Variants in DHX9 observed in about 807,000 individuals in gnomAD.
The protein encoded by DHX9 is ATP-dependent RNA helicase A.
In DHX9, 27 loss-of-function variants were observed where a neutral mutation model predicts 148.7. The ratio of observed to expected loss-of-function variants is 0.18; its 90% CI spans 0.13 to 0.25. DHX9 has a LOEUF of 0.25. Among genes scored for constraint, DHX9 ranks in the 10% least tolerant of loss-of-function variants. The pLI, the probability that DHX9 is intolerant of heterozygous loss-of-function variation, is 1.00. For missense variants in DHX9, 796 were observed against 1,559.6 expected, an observed-to-expected ratio of 0.51 and a Z score of 8.25; for synonymous variants, 529 against 516.6, an observed-to-expected ratio of 1.02 and a Z score of -0.33.
chr1:182,843,647 A>G (rs1295973892), intron 3 of DHX9, among the ~76,000 whole-genome samples: 2 of 152,214 alleles, frequency 1.3e-5, no homozygotes, highest in Non-Finnish European at 2.9e-5. Context: ...GGCTTGAGAA[A>G]TTCCATTAAT....
chr1:182,863,300 G>A (rs1648071315), intron 12 of DHX9, among the ~76,000 whole-genome samples: 2 of 152,108 alleles, frequency 1.3e-5, no homozygotes, highest in Admixed American at 6.6e-5. Flanking sequence ...GTGTCCTTAG[G>A]CAAAATAACC....
At chr1:182,872,279 A>G (rs1648582541) in intron 14 of DHX9, 58 bp from the exon 15 acceptor site, 1 of 1,442,226 alleles carries the variant, frequency 6.9e-7, no homozygotes. Context: ...TCTTTTAGGC[A>G]TAGCTTGTTA....
At chr1:182,864,528 C>T (rs968757548) in intron 12 of DHX9, among the ~76,000 whole-genome samples, 2 of 152,102 alleles carry the variant, frequency 1.3e-5, no homozygotes, top group Non-Finnish European at 2.9e-5. Context: ...TGCCACACTC[C>T]CCTGAAGAAA....
rs1649386644 is a variant in DHX9 at position 182,887,453 on chromosome 1, C to G, written c.*19C>G. The G allele has an allele frequency of 6.2e-7, 1 of 1,603,906 alleles. No individual in the cohort carries two copies. Among genetic ancestry groups the G allele is most frequent in the Non-Finnish European group, 8.5e-7 (1 of 1,173,306 alleles). On this transcript the variant is annotated 3_prime_UTR_variant, in exon 28 of 28. Transcript: ENST00000367549. ...CTATTAAAACTTGGTTATGTCAGTT[C>G]CTGTGTGTAGACAGTAAGGAAAAAA...
chr1:182,863,162 C>T (rs16859766), intron 12 of DHX9, among the ~76,000 whole-genome samples: 5,060 of 152,104 alleles, frequency 0.033, 201 homozygotes, highest in African/African-American at 0.09. Context: ...TCACTTTTGT[C>T]GGTTATTGTT....
Position 182,883,140 on chromosome 1 carries a change from T to C in DHX9, c.2916T>C (p.Asp972=), listed in dbSNP as rs1325817566. ...EILINSGFPE[D]CLLTQVFTNT... ...TTTTCACTGTGCTCCTCTTAACAGATTGTTTGTTGACACAAGTGTTTACTA... is the reference window on the plus strand; with the variant it reads ...TTTTCACTGTGCTCCTCTTAACAGACTGTTTGTTGACACAAGTGTTTACTA... Residue 972 remains aspartate, a splice_region_variant and synonymous_variant, in exon 25 of 28, where the codon GAT becomes GAC. Transcript: ENST00000367549. The C allele has an allele frequency of 1.2e-6, 2 of 1,611,492 alleles. No individual in the cohort carries two copies. Among genetic ancestry groups the C allele is most frequent in the East Asian group, 2.2e-5 (1 of 44,852 alleles).
In DHX9 at chr1:182,843,349, A is replaced by G; in HGVS notation, c.167A>G (p.Asp56Gly). The part of the protein sequence containing the change: ...TGMGNSTNKK[D>G]AQSNAARDFV... ...ATGGGAAATTCCACCAATAAAAAAG[A>G]TGCACAAAGCAATGCTGCCAGAGAC... The change falls in exon 3 of 28, where the codon GAT becomes GGT. Residue 56 changes from aspartate to glycine, a missense_variant. Physicochemically the swap from Asp to Gly is moderately conservative, Grantham distance 94. Coordinates refer to ENST00000367549, the MANE Select transcript of DHX9 (RefSeq NM_001357.5). The G allele has an allele frequency of 6.2e-7, 1 of 1,610,452 alleles. No homozygotes were observed. The highest frequency in any genetic ancestry group is 8.5e-7 in the Non-Finnish European group (1 of 1,178,608).
At chr1:182,886,998 A>G (rs1021332039) in intron 27 of DHX9, 85 bp from the exon 28 acceptor site, 2 of 1,278,390 alleles carry the variant, frequency 1.6e-6, no homozygotes, top group Admixed American at 2.2e-5. Context: ...TAAATTTTCA[A>G]ATATAACTAA....
intron 11 of DHX9, among the ~76,000 whole-genome samples, chr1:182,859,698 C>T (rs897372913): frequency 3.3e-5 from 5 of 152,054 alleles, no homozygotes; most frequent in Non-Finnish European, 5.9e-5. Context: ...CTGCACCCTC[C>T]GCCTCCTTGG....
chr1:182,857,561 A>G (rs969445025), intron 7 of DHX9, among the ~76,000 whole-genome samples: 24 of 152,234 alleles, frequency 1.6e-4, no homozygotes, highest in Non-Finnish European at 2.6e-4. Context: ...TGAAAAACGT[A>G]AAGCCATTCC....
Position 182,884,620 on chromosome 1 carries a change from C to T in DHX9, c.3268C>T (p.Leu1090=). The T allele has an allele frequency of 4.3e-6, 7 of 1,613,976 alleles. No individual in the cohort carries two copies. Among genetic ancestry groups the T allele is most frequent in the Non-Finnish European group, 5.9e-6 (7 of 1,179,962 alleles). ...TGTATTTCGCCACTTTAGGATTAAA[C>T]TGCAAATATCTCATGAAGCTGCTGC... The part of the protein sequence containing the change: ...QIVLVDDWIK[L]QISHEAAACI... The change falls in exon 27 of 28, where the codon CTG becomes TTG. Residue 1090 remains leucine (L), a synonymous_variant. Coordinates refer to ENST00000367549, the MANE Select transcript of DHX9 (RefSeq NM_001357.5).
chr1:182,880,410 T>C (rs1341863921), intron 21 of DHX9, 87 bp from the exon 22 acceptor site: 2 of 810,014 alleles, frequency 2.5e-6, no homozygotes, highest in Non-Finnish European at 4.0e-6. Flanking sequence ...AACTCTAAAC[T>C]GTCTTAACCT....
chr1:182,850,488 G>T (rs796211734), intron 3 of DHX9, among the ~76,000 whole-genome samples: 42 of 151,918 alleles, frequency 2.8e-4, no homozygotes, highest in African/African-American at 1.0e-3. Context: ...CCATCTACTC[G>T]AGAGGCTGAA....
At chr1:182,870,287 G>A (rs1648502799) in intron 14 of DHX9, among the ~76,000 whole-genome samples, 1 of 152,112 alleles carries the variant, frequency 6.6e-6, no homozygotes, top group African/African-American at 2.4e-5. Flanking sequence ...TCCCAGTAAG[G>A]TTTTCCATAT....
intron 21 of DHX9, 23 bp downstream of exon 21, chr1:182,879,433 T>C (rs766562264): frequency 2.1e-6 from 3 of 1,417,524 alleles, no homozygotes; most frequent in Non-Finnish European, 2.8e-6. Flanking sequence ...ACAAACCTAC[T>C]TGACGCAGAT....
At chr1:182,848,976 A>G (rs1668080554) in intron 3 of DHX9, among the ~76,000 whole-genome samples, 1 of 152,186 alleles carries the variant, frequency 6.6e-6, no homozygotes, top group African/African-American at 2.4e-5. Context: ...TGCATGAGAA[A>G]CCCACCTCAT....
chr1:182,864,273 G>GGT (rs2102605270), intron 12 of DHX9, among the ~76,000 whole-genome samples: 1 of 152,284 alleles, frequency 6.6e-6, no homozygotes, highest in South Asian at 2.1e-4. Context: ...TTGTAGAGAT[G>GGT]GTGTCTCACT....
At chr1:182,843,482 C>G (rs200451345) in intron 3 of DHX9, 48 bp downstream of exon 3, 98 of 1,473,344 alleles carry the variant, frequency 6.7e-5, no homozygotes, top group Non-Finnish European at 8.4e-5. Flanking sequence ...TAAAGTTGTA[C>G]AAACTCAATA....
chr1:182,867,814 C>T (rs1464476046), intron 14 of DHX9, among the ~76,000 whole-genome samples: 1 of 152,156 alleles, frequency 6.6e-6, no homozygotes, highest in African/African-American at 2.4e-5. Context: ...TTTCCAACCC[C>T]TCCCTCTTTT....
Sources: gnomAD v4.1 joint callset for allele counts (sites outside exome capture counted in the v4.1 genomes callset) on GRCh38, gnomAD v4.1.1 for gene constraint, MANE v1.5 for transcripts, NCBI Gene and HGNC (gene_info 2026-07-23, HGNC 2026-07-21) for gene names.